Variants in SP140 observed in about 807,000 individuals in gnomAD.
SP140 encodes the protein SP140 nuclear body protein, also known as nuclear body protein SP140.
Under a neutral mutation model 125.0 loss-of-function variants are expected in SP140, and 81 were observed. The observed-to-expected ratio is 0.65, with a 90% confidence interval of 0.54 to 0.78. The LOEUF is 0.78. Ranked by LOEUF, SP140 falls within the 30% of genes least tolerant of loss-of-function variation. The pLI is 0.00. For synonymous variants in SP140, 312 were observed against 354.0 expected, an observed-to-expected ratio of 0.88 and a Z score of 1.33; for missense variants, 858 against 1,037.0, an observed-to-expected ratio of 0.83 and a Z score of 2.37.
upstream of SP140, among the ~76,000 whole-genome samples, chr2:230,223,683 G>A (rs181155741): frequency 1.3e-5 from 2 of 152,312 alleles, no homozygotes; most frequent in Non-Finnish European, 2.9e-5. Context: ...CCCCATTAGC[G>A]TTCAGAGTCA....
the SP140 span, chr2:230,186,238 T>G: frequency 8.5e-7 from 1 of 1,180,174 alleles, no homozygotes; most frequent in African/African-American, 1.5e-5. Context: ...TTCTCTATAA[T>G]TCTCTCTTTT....
chr2:230,212,677 G>A, intron 1 of SP140: 1 of 1,542,892 alleles, frequency 6.5e-7, no homozygotes, highest in Non-Finnish European at 9.0e-7. Context: ...GACAATAAAA[G>A]TCAAGATGCT....
chr2:230,269,450 T>C (rs1345709528), intron 12 of SP140, 82 bp from the exon 13 acceptor site: 2 of 831,346 alleles, frequency 2.4e-6, no homozygotes, highest in African/African-American at 3.4e-5. Flanking sequence ...AGAATATCAG[T>C]GTGCAGTATA....
chr2:230,290,710 T>G, intron 19 of SP140, 146 bp downstream of exon 19: 1 of 672,808 alleles, frequency 1.5e-6, no homozygotes. Context: ...TAAGATGACG[T>G]TTACAGACTT....
In SP140 at chr2:230,260,252, G is replaced by A. The variant is rs541117243; in HGVS notation, c.1240+4720G>A. ...ATTTGTATATCTTCTTTTACGAACT[G>A]TCTATTCATGTCCTTAGCCCACTTT... On this transcript the variant is annotated intron_variant, in intron 12 of 26. Transcript: ENST00000392045. Among the ~76,000 whole-genome samples, 10 of 152,260 alleles carry A rather than the reference G, an allele frequency of 6.6e-5. No homozygotes were observed. In the East Asian group the frequency reaches 1.7e-3, roughly 26 times the overall value.
intron 1 of SP140, chr2:230,213,135 T>G: frequency 9.3e-7 from 1 of 1,076,782 alleles, no homozygotes; most frequent in South Asian, 1.3e-5. Context: ...ATGGAGCTAT[T>G]CATTGTCCCC....
the SP140 span, among the ~76,000 whole-genome samples, chr2:230,186,590 T>C: frequency 5.3e-5 from 8 of 152,216 alleles, no homozygotes; most frequent in South Asian, 4.1e-4. Flanking sequence ...AATCTGAGAC[T>C]TTAGTGCACT....
At chr2:230,288,025 A>T in intron 18 of SP140, 59 bp downstream of exon 18, 1 of 1,397,604 alleles carries the variant, frequency 7.2e-7, no homozygotes. Context: ...CCTGTGCGGT[A>T]CACTGTACTT....
upstream of SP140, among the ~76,000 whole-genome samples, chr2:230,224,879 T>C (rs2046145394): frequency 6.6e-6 from 1 of 152,220 alleles, no homozygotes; most frequent in Non-Finnish European, 1.5e-5. Context: ...TCTAGTCCTG[T>C]GGTTATATTT....
At position 230,262,397 on chromosome 2, in the gene SP140, C is replaced by G. The variant is rs143734617; in HGVS notation, c.1240+6865C>G. ...TTTATTTACCTTTTCGAAGAACCAGCTTTTGTTTCATTTATCGTTTGTATT... is the reference window on the plus strand; with the variant it reads ...TTTATTTACCTTTTCGAAGAACCAGGTTTTGTTTCATTTATCGTTTGTATT... On this transcript the variant is annotated intron_variant, in intron 12 of 26. Coordinates refer to ENST00000392045, the MANE Select transcript of SP140 (RefSeq NM_007237.5). Among the ~76,000 whole-genome samples the G allele has an allele frequency of 5.4e-3, 827 of 152,206 alleles. 7 individuals are homozygous for G. Among genetic ancestry groups the G allele is most frequent in the African/African-American group, 0.019 (793 of 41,542 alleles).
intron 3 of SP140, chr2:230,215,183 T>C (rs2148940798): frequency 7.4e-7 from 1 of 1,343,736 alleles, no homozygotes. Flanking sequence ...TATACATTTA[T>C]GGTTTTCTAA....
intron 13 of SP140, 92 bp downstream of exon 13, chr2:230,269,710 T>C: frequency 3.8e-6 from 4 of 1,060,178 alleles, no homozygotes; most frequent in Non-Finnish European, 5.6e-6. Context: ...AAGAGTCAAA[T>C]ATAAGGAGGA....
At chr2:230,294,391 G>A in intron 21 of SP140, 73 bp downstream of exon 21, 1 of 1,186,206 alleles carries the variant, frequency 8.4e-7, no homozygotes. Flanking sequence ...TTATTTTATG[G>A]GGTCTGAAAT....
At chr2:230,235,367 T>G (rs12690536) in intron 1 of SP140, among the ~76,000 whole-genome samples, 79,237 of 151,912 alleles carry the variant, frequency 0.52, 21,170 homozygotes, top group African/African-American at 0.62. Flanking sequence ...ATTTCTCATC[T>G]AATTCCTTTC....
intron 21 of SP140, among the ~76,000 whole-genome samples, chr2:230,294,992 A>T (rs1320869791): frequency 6.6e-6 from 1 of 152,192 alleles, no homozygotes; most frequent in African/African-American, 2.4e-5. Flanking sequence ...TGACCAGGAA[A>T]ATCTTTTATG....
At chr2:230,301,318 A>G (rs555149090) in intron 22 of SP140, among the ~76,000 whole-genome samples, 123 of 152,366 alleles carry the variant, frequency 8.1e-4, no homozygotes, top group Middle Eastern at 3.4e-3. Flanking sequence ...TCACAAAAAG[A>G]TAATCACTCA....
At chr2:230,293,248 C>T (rs1302651148) in intron 20 of SP140, among the ~76,000 whole-genome samples, 1 of 152,206 alleles carries the variant, frequency 6.6e-6, no homozygotes, top group African/African-American at 2.4e-5. Flanking sequence ...GCTTTAATGC[C>T]AGGCTAAGGA....
chr2:230,187,724 C>G, the SP140 span, among the ~76,000 whole-genome samples: 1 of 152,102 alleles, frequency 6.6e-6, no homozygotes, highest in African/African-American at 2.4e-5. Flanking sequence ...AACCAGTTTT[C>G]CCAGCACCAT....
downstream of SP140, among the ~76,000 whole-genome samples, chr2:230,314,323 G>A (rs2059466534): frequency 6.6e-6 from 1 of 152,276 alleles, no homozygotes; most frequent in Non-Finnish European, 1.5e-5. Flanking sequence ...CAAGTGAACA[G>A]TCATGGGCAG....
Sources: gnomAD v4.1 joint callset for allele counts (sites outside exome capture counted in the v4.1 genomes callset) on GRCh38, gnomAD v4.1.1 for gene constraint, MANE v1.5 for transcripts, NCBI Gene and HGNC (gene_info 2026-07-23, HGNC 2026-07-21) for gene names.